RIMS1: variants seen among roughly 807,000 people sequenced by gnomAD.
RIMS1 encodes regulating synaptic membrane exocytosis 1.
RIMS1 carries 83 observed loss-of-function variants against 214.1 expected under a neutral mutation model. The ratio of observed to expected loss-of-function variants is 0.39; its 90% CI spans 0.32 to 0.47. The LOEUF is 0.47. Among genes scored for constraint, RIMS1 ranks in the 20% least tolerant of loss-of-function variants. The pLI is 0.99. For synonymous variants in RIMS1, 793 were observed against 786.8 expected, an observed-to-expected ratio of 1.01 and a Z score of -0.13; for missense variants, 2,050 against 2,161.8, an observed-to-expected ratio of 0.95 and a Z score of 1.03.
intron 4 of RIMS1, among the ~76,000 whole-genome samples, chr6:72,122,572 T>G (rs1382841260): frequency 1.3e-5 from 2 of 151,828 alleles, no homozygotes. Context: ...TCTTTGTGCC[T>G]CTGGTGGAAT....
chr6:72,231,356 A>AT (rs1203084100), intron 6 of RIMS1, among the ~76,000 whole-genome samples: 37 of 151,720 alleles, frequency 2.4e-4, no homozygotes, highest in Non-Finnish European at 3.1e-4. Flanking sequence ...AGTGATAAGA[A>AT]AACTATTAGC....
chr6:72,153,242 T>G (rs1449685749), intron 4 of RIMS1, among the ~76,000 whole-genome samples: 1 of 151,150 alleles, frequency 6.6e-6, no homozygotes, highest in East Asian at 1.9e-4. Context: ...CTGAATCAAT[T>G]TACTTATATT....
intron 4 of RIMS1, among the ~76,000 whole-genome samples, chr6:72,138,902 C>T (rs781090812): frequency 6.6e-6 from 1 of 151,992 alleles, no homozygotes; most frequent in East Asian, 1.9e-4. Context: ...TTGTTAGCCT[C>T]CATGAACATT....
intron 2 of RIMS1, among the ~76,000 whole-genome samples, chr6:72,072,523 A>T (rs1586290617): frequency 6.6e-6 from 1 of 152,174 alleles, no homozygotes; most frequent in Admixed American, 6.5e-5. Context: ...AGGTAATGAA[A>T]CAAGCAGGAA....
At chr6:72,107,174 C>T (rs964830028) in intron 4 of RIMS1, among the ~76,000 whole-genome samples, 7 of 152,096 alleles carry the variant, frequency 4.6e-5, no homozygotes. Flanking sequence ...GAGTTTCTGG[C>T]AGGTAAGGAA....
chr6:72,122,667 G>A (rs2153832762), intron 4 of RIMS1, among the ~76,000 whole-genome samples: 1 of 151,830 alleles, frequency 6.6e-6, no homozygotes, highest in African/African-American at 2.4e-5. Context: ...TGTTATTGGT[G>A]TATTCAGGGA....
intron 1 of RIMS1, among the ~76,000 whole-genome samples, chr6:71,934,939 A>G (rs1019412577): frequency 9.9e-5 from 15 of 152,222 alleles, no homozygotes; most frequent in African/African-American, 3.4e-4. Context: ...CACCTGTAAC[A>G]ATAGAGGTGA....
intron 9 of RIMS1, among the ~76,000 whole-genome samples, chr6:72,240,744 C>CA (rs2066502221): frequency 6.7e-6 from 1 of 149,650 alleles, no homozygotes; most frequent in Non-Finnish European, 1.5e-5. Context: ...CACGGTGACT[C>CA]ACACCTGTAA....
intron 23 of RIMS1, among the ~76,000 whole-genome samples, chr6:72,283,665 A>G (rs999563270): frequency 6.6e-6 from 1 of 152,152 alleles, no homozygotes; most frequent in Admixed American, 6.6e-5. Context: ...GAAGCCTTTC[A>G]GCACCTAAAC....
At chr6:72,259,456 G>A (rs1372805713) in intron 18 of RIMS1, among the ~76,000 whole-genome samples, 2 of 151,942 alleles carry the variant, frequency 1.3e-5, no homozygotes, top group Non-Finnish European at 2.9e-5. Context: ...CAATATTTGA[G>A]GTATGAAGTA....
chr6:72,255,368 A>T (rs2075372597), intron 16 of RIMS1, among the ~76,000 whole-genome samples: 1 of 152,152 alleles, frequency 6.6e-6, no homozygotes, highest in Non-Finnish European at 1.5e-5. Context: ...CTGGTTGTTT[A>T]TTATCTAGAG....
In RIMS1 at chr6:72,207,357, C is replaced by T. The variant is rs9360540; in HGVS notation, c.1678+24208C>T. On this transcript the variant is annotated intron_variant, in intron 6 of 33. Coordinates refer to ENST00000521978, the MANE Select transcript of RIMS1 (RefSeq NM_014989.7). Reference sequence around the variant, plus strand: ...GTAGCATTTAATTACTTAGCTTGTACATCATGTAAATGATCTTGACTCTAC... The same window carrying T: ...GTAGCATTTAATTACTTAGCTTGTATATCATGTAAATGATCTTGACTCTAC... Among the ~76,000 whole-genome samples, 575 of 152,280 alleles carry T rather than the reference C, an allele frequency of 3.8e-3. 9 individuals carry two copies. The highest frequency in any genetic ancestry group is 0.026 in the East Asian group (133 of 5,176).
chr6:72,247,392 G>A lies in RIMS1; in HGVS notation c.2129-623G>A, dbSNP rs533102681. 4.8e-4 allele frequency among the ~76,000 whole-genome samples: 73 copies of A among 151,932 alleles called. No homozygotes were observed. In the South Asian group the frequency reaches 0.012, roughly 25 times the overall value. ...CTCTACTAAAAATACAAAATTAGCC[G>A]GACGTGTTGGTGCATGCCTGTAATC... On this transcript the variant is annotated intron_variant, in intron 11 of 33. Transcript: ENST00000521978.
intron 1 of RIMS1, among the ~76,000 whole-genome samples, chr6:71,934,769 C>A (rs1473551737): frequency 6.6e-6 from 1 of 152,158 alleles, no homozygotes; most frequent in Non-Finnish European, 1.5e-5. Context: ...CACCAAATTC[C>A]TGCTGTTTAA....
Position 72,182,080 on chromosome 6 carries a change from A to G in RIMS1, c.813-204A>G, listed in dbSNP as rs532273111. Among the ~76,000 whole-genome samples the G allele has an allele frequency of 5.3e-5, 8 of 152,348 alleles. No individual in the cohort carries two copies. The South Asian group carries it at 1.7e-3, about 32-fold the overall frequency. ...CAAGCATGACACTCTTATGAAAACT[A>G]TATTTGGTAATAATTAATATGTGTT... On this transcript the variant is annotated intron_variant, in intron 5 of 33. Transcript: ENST00000521978.
Position 71,887,036 on chromosome 6 carries a change from G to A in RIMS1, c.13G>A (p.Val5Met), listed in dbSNP as rs767496116. 1.2e-6 allele frequency: 2 copies of A among 1,613,124 alleles called. No individual in the cohort carries two copies. The highest frequency in any genetic ancestry group is 1.7e-6 in the Non-Finnish European group (2 of 1,179,572). The change falls in exon 1 of 34, where the codon GTG (valine) becomes ATG (methionine). Residue 5 changes from valine (V) to methionine (M), a missense_variant. Val to Met is a conservative substitution (Grantham distance 21). Around this residue, in one of 6 missense-constraint regions of RIMS1, gnomAD observed 882 missense variants for 828.9 expected, o/e 1.06. Coordinates refer to ENST00000521978, the MANE Select transcript of RIMS1 (RefSeq NM_014989.7). ...GCAGGCCACGAAAATGTCCTCGGCC[G>A]TGGGGCCCCGCGGTCCTCGCCCACC... is the stretch of plus-strand genomic sequence containing the variant. MSSA[V>M]GPRGPRPPTV...
At chr6:72,174,610 A>G (rs529960680) in intron 4 of RIMS1, among the ~76,000 whole-genome samples, 1 of 152,344 alleles carries the variant, frequency 6.6e-6, no homozygotes, top group South Asian at 2.1e-4. Context: ...TAAGCAGTTT[A>G]AGGACTAGGT....
intron 1 of RIMS1, among the ~76,000 whole-genome samples, chr6:71,943,415 A>G (rs1786795657): frequency 6.6e-6 from 1 of 152,180 alleles, no homozygotes; most frequent in South Asian, 2.1e-4. Context: ...CCAAAGACTC[A>G]TCATTCTGAG....
At chr6:72,282,489 A>G (rs1348984379) in intron 23 of RIMS1, among the ~76,000 whole-genome samples, 5 of 152,106 alleles carry the variant, frequency 3.3e-5, no homozygotes, top group African/African-American at 9.7e-5. Flanking sequence ...GTGATATCCC[A>G]GCACCTGATT....
Sources: gnomAD v4.1 joint callset for allele counts (sites outside exome capture counted in the v4.1 genomes callset) on GRCh38, gnomAD v4.1.1 for gene constraint, gnomAD v4.1.1 regional missense constraint, MANE v1.5 for transcripts, NCBI Gene and HGNC (gene_info 2026-07-23, HGNC 2026-07-21) for gene names.